PSD3: variants seen among roughly 807,000 people sequenced by gnomAD.
PSD3 encodes the protein PH and SEC7 domain-containing protein 3.
A neutral mutation model predicts 105.5 loss-of-function variants in PSD3; 49 were observed. The observed-to-expected ratio is 0.46, with a 90% confidence interval of 0.37 to 0.59. PSD3 has a LOEUF of 0.59. Among genes scored for constraint, PSD3 ranks in the 20% least tolerant of loss-of-function variants. The pLI is 0.00. For missense variants in PSD3, 1,561 were observed against 1,263.8 expected (o/e 1.24, Z -3.57); for synonymous variants, 557 against 457.8 (o/e 1.22, Z -2.77).
At chr8:18,621,353 A>G (rs571557355) in intron 11 of PSD3, among the ~76,000 whole-genome samples, 1 of 152,158 alleles carries the variant, frequency 6.6e-6, no homozygotes. Context: ...GGTTGCAGTG[A>G]GCTGACATCG....
chr8:18,628,952 A>T (rs1217311048), intron 11 of PSD3, among the ~76,000 whole-genome samples: 1 of 151,980 alleles, frequency 6.6e-6, no homozygotes, highest in East Asian at 1.9e-4. Context: ...TATACTAATA[A>T]CTACTATAAA....
intron 1 of PSD3, among the ~76,000 whole-genome samples, chr8:19,024,967 A>G (rs759432788): frequency 2.7e-4 from 41 of 152,178 alleles, no homozygotes; most frequent in Non-Finnish European, 4.6e-4. Context: ...TAAATTATCA[A>G]TCCTGAGAAA....
intron 10 of PSD3, among the ~76,000 whole-genome samples, chr8:18,634,897 T>C (rs115604084): frequency 3.3e-5 from 5 of 152,140 alleles, no homozygotes; most frequent in African/African-American, 1.2e-4. Flanking sequence ...TAAGTGTTTT[T>C]GGGGAGATAT....
chr8:18,575,177 C>G lies in PSD3; in HGVS notation c.2590G>C (p.Val864Leu). The G allele has an allele frequency of 1.2e-6, 2 of 1,613,790 alleles. No individual in the cohort carries two copies. Among genetic ancestry groups the G allele is most frequent in the Non-Finnish European group, 1.7e-6 (2 of 1,179,852 alleles). Residue 864 changes from valine (V) to leucine (L), a missense_variant, in exon 13 of 16, where the codon GTG becomes CTG. Transcript: ENST00000327040. ...CAGTCGGCAGTTTTAAGTTTAAACA[C>G]GTTTGGTTTCTTCTCATAGTCCGTG... ...KATDYEKKPN[V>L]FKLKTADWRV...
At chr8:18,918,612 C>CA (rs1371165797) in intron 2 of PSD3, among the ~76,000 whole-genome samples, 1 of 152,158 alleles carries the variant, frequency 6.6e-6, no homozygotes. Flanking sequence ...TACTAATAAA[C>CA]AAAAAACTAG....
rs141577833 is a variant in PSD3, at chr8:18,814,146, A to G, written c.1635-9248T>C. On this transcript the variant is annotated intron_variant, in intron 4 of 15. Coordinates refer to ENST00000327040, the MANE Select transcript of PSD3 (RefSeq NM_015310.4). Reference sequence around the variant, plus strand: ...TAAAGGAAACACACAAAACCTAATTAGCAGAATTCCTAAGAGCTATTTCTC... The same window carrying G: ...TAAAGGAAACACACAAAACCTAATTGGCAGAATTCCTAAGAGCTATTTCTC... Among the ~76,000 whole-genome samples, 599 of 152,372 alleles carry G rather than the reference A, an allele frequency of 3.9e-3. 5 individuals are homozygous for G. Among genetic ancestry groups the G allele is most frequent in the African/African-American group, 0.014 (571 of 41,594 alleles).
At chr8:18,765,929 C>A (rs1208868984) in intron 8 of PSD3, among the ~76,000 whole-genome samples, 1 of 150,192 alleles carries the variant, frequency 6.7e-6, no homozygotes, top group Non-Finnish European at 1.5e-5. Flanking sequence ...GATGGTGCCA[C>A]TGCACTCCAG....
intron 9 of PSD3, chr8:18,683,794 A>G (rs919592876): frequency 2.6e-6 from 2 of 765,228 alleles, no homozygotes; most frequent in South Asian, 1.3e-5. Flanking sequence ...TTAGCAGAAA[A>G]CTCTGAGGAG....
chr8:18,687,387 G>A (rs913823363), intron 9 of PSD3, among the ~76,000 whole-genome samples: 1 of 152,010 alleles, frequency 6.6e-6, no homozygotes, highest in Admixed American at 6.6e-5. Flanking sequence ...GATCACCTGA[G>A]CCCAGGAGGT....
chr8:19,004,526 A>C (rs903483791), intron 1 of PSD3, among the ~76,000 whole-genome samples: 2 of 152,060 alleles, frequency 1.3e-5, no homozygotes, highest in East Asian at 1.9e-4. Flanking sequence ...GCTATTTGCA[A>C]AGCATATATC....
At chr8:18,914,121 C>A (rs549182684) in intron 2 of PSD3, among the ~76,000 whole-genome samples, 39 of 151,918 alleles carry the variant, frequency 2.6e-4, no homozygotes, top group South Asian at 6.2e-4. Context: ...ACATTCCCTT[C>A]CAGATGGGGG....
rs1355925192 is a variant in PSD3 at position 18,556,262 on chromosome 8, T to C, written c.2875A>G (p.Lys959Glu). The C allele has an allele frequency of 6.2e-7, 1 of 1,614,180 alleles. No individual in the cohort carries two copies. Residue 959 changes from lysine to glutamate, a missense_variant, in exon 15 of 16, where the codon AAA becomes GAA. By Grantham distance (56) the Lys-to-Glu change is moderately conservative. Coordinates refer to ENST00000327040, the MANE Select transcript of PSD3 (RefSeq NM_015310.4). ...TTGTACTCATCGACGTCCTTGGCTT[T>C]GACCTTCTTGTCGGGGGGATATGAG... ...HRSYPPDKKV[K>E]AKDVDEYKLK...
chr8:18,712,552 C>G (rs1023107149), intron 9 of PSD3, among the ~76,000 whole-genome samples: 1 of 152,132 alleles, frequency 6.6e-6, no homozygotes, highest in Non-Finnish European at 1.5e-5. Context: ...CACATACACA[C>G]ATACACCTTC....
At chr8:18,752,978 T>C (rs532909012) in intron 9 of PSD3, among the ~76,000 whole-genome samples, 52 of 152,062 alleles carry the variant, frequency 3.4e-4, no homozygotes, top group African/African-American at 1.2e-3. Flanking sequence ...TGTGATCTTT[T>C]ACAAATGGCA....
intron 11 of PSD3, among the ~76,000 whole-genome samples, chr8:18,610,828 G>A (rs1805209688): frequency 1.4e-5 from 2 of 138,194 alleles, no homozygotes; most frequent in African/African-American, 5.3e-5. Flanking sequence ...GTTCTGAAAT[G>A]CCAGAAAGTA....
chr8:18,878,306 T>C (rs191851237), intron 2 of PSD3, among the ~76,000 whole-genome samples: 18 of 152,318 alleles, frequency 1.2e-4, no homozygotes, highest in African/African-American at 4.3e-4. Flanking sequence ...CTTGCTTAAC[T>C]TGGAGCATAT....
At chr8:18,630,141 C>G (rs886218064) in intron 11 of PSD3, among the ~76,000 whole-genome samples, 1 of 151,802 alleles carries the variant, frequency 6.6e-6, no homozygotes, top group Non-Finnish European at 1.5e-5. Context: ...GAGATAGAAA[C>G]AAGCAGAGGC....
intron 9 of PSD3, among the ~76,000 whole-genome samples, chr8:18,752,559 T>TATTAC (rs1805639421): frequency 1.4e-5 from 1 of 71,142 alleles, no homozygotes; most frequent in Admixed American, 2.4e-4. Context: ...TATATAATTA[T>TATTAC]ATATATTATA....
intron 14 of PSD3, among the ~76,000 whole-genome samples, chr8:18,564,376 C>A (rs1801597636): frequency 6.6e-6 from 1 of 152,040 alleles, no homozygotes; most frequent in South Asian, 2.1e-4. Context: ...CGCCTGTAAT[C>A]CCAACACTTT....
Sources: gnomAD v4.1 joint callset for allele counts (sites outside exome capture counted in the v4.1 genomes callset) on GRCh38, gnomAD v4.1.1 for gene constraint, MANE v1.5 for transcripts, NCBI Gene and HGNC (gene_info 2026-07-23, HGNC 2026-07-21) for gene names.